Variants in ITGAD observed in about 807,000 individuals in gnomAD.
ITGAD encodes integrin alpha-D.
A neutral mutation model predicts 139.0 loss-of-function variants in ITGAD; 105 were observed. The observed-to-expected ratio is 0.76, with a 90% CI of 0.65 to 0.89. The LOEUF (loss-of-function observed/expected upper bound fraction) is 0.89. ITGAD is among the 40% of genes least tolerant of loss of function. The pLI, the probability that ITGAD is intolerant of heterozygous loss-of-function variation, is 0.00. For synonymous variants in ITGAD, 569 were observed against 598.3 expected, an observed-to-expected ratio of 0.95 and a Z score of 0.71; for missense variants, 1,384 against 1,487.3, an observed-to-expected ratio of 0.93 and a Z score of 1.14.
rs775648673 is a variant in ITGAD, at chr16:31,423,118, G to A, written c.2785G>A (p.Glu929Lys). 22 of 1,614,018 alleles carry A rather than the reference G, an allele frequency of 1.4e-5. No homozygotes were observed. The South Asian group carries it at 2.1e-4, about 15-fold the overall frequency. Residue 929 changes from glutamate to lysine, a missense_variant, in exon 24 of 30, where the codon GAA (glutamate) becomes AAA (lysine). Coordinates refer to ENST00000389202, the MANE Select transcript of ITGAD (RefSeq NM_005353.3). Reference sequence around the variant, plus strand: ...ACCCACAGGCTCTCTCTCCAGGCAGGAAGAATCCACCAAGTACTTCAACTT... The same window carrying A: ...ACCCACAGGCTCTCTCTCCAGGCAGAAAGAATCCACCAAGTACTTCAACTT... ...YAVYTMISRQ[E>K]ESTKYFNFAT... is the part of the protein sequence containing the mutation.
chr16:31,394,244 T>C lies in ITGAD; in HGVS notation c.40T>C (p.Ser14Pro). Residue 14 changes from serine (S) to proline (P), a missense_variant, in exon 2 of 30, where the codon TCT becomes CCT. Ser to Pro is a moderately conservative substitution (Grantham distance 74). Transcript: ENST00000389202. ...GTVLLLSVLA[S>P]YHGFNLDVEE... Reference sequence around the variant, plus strand: ...CACCAAATATTCCTCAGTCCTGGCTTCTTATCATGGATTCAACCTGGATGT... The same window carrying C: ...CACCAAATATTCCTCAGTCCTGGCTCCTTATCATGGATTCAACCTGGATGT... 6.2e-7 allele frequency: 1 copy of C among 1,613,138 alleles called. No homozygotes were observed. The highest frequency in any genetic ancestry group is 8.5e-7 in the Non-Finnish European group (1 of 1,179,290).
intron 23 of ITGAD, among the ~76,000 whole-genome samples, chr16:31,419,443 A>G (rs567141507): frequency 6.6e-6 from 1 of 152,332 alleles, no homozygotes; most frequent in East Asian, 1.9e-4. Flanking sequence ...AGGCTATACC[A>G]TATCACCTAG....
rs543049411 is a variant in ITGAD at position 31,411,198 on chromosome 16, G to A, written c.1479G>A (p.Val493=). 1.0e-4 allele frequency: 168 copies of A among 1,613,816 alleles called. 2 individuals carry two copies. The South Asian group carries it at 1.8e-3, about 17-fold the overall frequency. Residue 493 remains valine (V), a synonymous_variant, in exon 13 of 30, where the codon GTG becomes GTA. Transcript: ENST00000389202. Reference sequence around the variant, plus strand: ...AGACCCGAGGGGGCCAGGTGTCCGTGTGTCCCTTGCCTAGGGGGGTGAGTG... The same window carrying A: ...AGACCCGAGGGGGCCAGGTGTCCGTATGTCCCTTGCCTAGGGGGGTGAGTG... The part of the protein sequence containing the change: ...YEQTRGGQVS[V]CPLPRGRVQW...
At chr16:31,417,954 AAC>A (rs981635041) in intron 20 of ITGAD, 119 bp from the exon 21 acceptor site, 37 of 807,914 alleles carry the variant, frequency 4.6e-5, no homozygotes, top group African/African-American at 3.4e-5. Flanking sequence ...CTCAAAAAAA[AAC>A]AACAACAAAA....
intron 9 of ITGAD, 72 bp from the exon 10 acceptor site, chr16:31,408,353 T>C: frequency 7.7e-7 from 1 of 1,299,430 alleles, no homozygotes; most frequent in Non-Finnish European, 1.1e-6. Context: ...CAGATCATGT[T>C]CTCCTCCCTG....
intron 20 of ITGAD, among the ~76,000 whole-genome samples, chr16:31,417,844 G>C (rs1256123592): frequency 6.6e-6 from 1 of 152,124 alleles, no homozygotes; most frequent in East Asian, 1.9e-4. Flanking sequence ...CTACTCAAGA[G>C]CCTGTGGCAG....
rs1303308761 is a variant in ITGAD at position 31,416,544 on chromosome 16, C to T, written c.2397C>T (p.Asn799=). ...CCGTGGGGAGCTCCCTGGAGCTCAA[C>T]GTGATTGTGACTGTGTGGAACGCAG... is the stretch of plus-strand genomic sequence containing the variant. The part of the protein sequence containing the change: ...TLTVGSSLEL[N]VIVTVWNAGE... The change falls in exon 20 of 30, where the codon AAC becomes AAT. Residue 799 remains asparagine, a synonymous_variant. Coordinates refer to ENST00000389202, the MANE Select transcript of ITGAD (RefSeq NM_005353.3). The T allele has an allele frequency of 4.3e-6, 7 of 1,613,724 alleles. No individual in the cohort carries two copies. Among genetic ancestry groups the T allele is most frequent in the Admixed American group, 1.7e-5 (1 of 60,016 alleles).
chr16:31,396,722 C>A (rs2081271836), intron 2 of ITGAD, among the ~76,000 whole-genome samples: 1 of 152,206 alleles, frequency 6.6e-6, no homozygotes, highest in South Asian at 2.1e-4. Flanking sequence ...GCTTTTCTCA[C>A]AGACAGGAGA....
Position 31,411,326 on chromosome 16 carries a change from GACGCTGTTCTCCGTGGTGAGCAGGGCC to G in ITGAD, c.1519_1545del (p.Ala507_His515del). On this transcript the variant is annotated inframe_deletion, in exon 14 of 30. Transcript: ENST00000389202. ...TCAGCAGAGGGTGCAGTGGCAGTGT[GACGCTGTTCTCCGTGGTGAGCAGGGCC>G]ACCCCTGGGGCCGCTTTGGGGCAGC... The G allele has an allele frequency of 6.2e-7, 1 of 1,613,320 alleles. No homozygotes were observed. Among genetic ancestry groups the G allele is most frequent in the South Asian group, 1.1e-5 (1 of 91,052 alleles).
intron 18 of ITGAD, 107 bp downstream of exon 18, chr16:31,415,098 C>T: frequency 1.5e-6 from 2 of 1,322,440 alleles, no homozygotes; most frequent in Non-Finnish European, 2.1e-6. Context: ...AGTCCAGAAA[C>T]CTGACTCCAG....
In ITGAD at chr16:31,418,543, C is replaced by G. The variant is rs375292342; in HGVS notation, c.2759C>G (p.Ala920Gly). 6.2e-7 allele frequency: 1 copy of G among 1,614,000 alleles called. No homozygotes were observed. The highest frequency in any genetic ancestry group is 2.2e-5 in the East Asian group (1 of 44,874). ...TFQLELPVKY[A>G]VYTMISRQEE... ...CAGCTGGAGCTCCCGGTGAAGTATGCAGTCTACACCATGATCAGCAGGTGC... is the reference window on the plus strand; with the variant it reads ...CAGCTGGAGCTCCCGGTGAAGTATGGAGTCTACACCATGATCAGCAGGTGC... Residue 920 changes from alanine (A) to glycine (G), a missense_variant, in exon 23 of 30, where the codon GCA (alanine) becomes GGA (glycine). Physicochemically the swap from Ala to Gly is moderately conservative, Grantham distance 60 (BLOSUM62 0). Coordinates refer to ENST00000389202, the MANE Select transcript of ITGAD (RefSeq NM_005353.3).
chr16:31,412,076 T>G (rs1049785685), intron 14 of ITGAD, among the ~76,000 whole-genome samples: 1 of 150,818 alleles, frequency 6.6e-6, no homozygotes, highest in African/African-American at 2.5e-5. Context: ...TTTTTTTTTT[T>G]CTTTTTTTTT....
intron 2 of ITGAD, among the ~76,000 whole-genome samples, chr16:31,396,993 A>G (rs1296959883): frequency 6.6e-6 from 1 of 152,002 alleles, no homozygotes; most frequent in Non-Finnish European, 1.5e-5. Context: ...GGTGGTTCAA[A>G]ATAATGGCAA....
intron 5 of ITGAD, among the ~76,000 whole-genome samples, chr16:31,401,356 G>A (rs560589969): frequency 6.6e-5 from 10 of 152,160 alleles, no homozygotes; most frequent in African/African-American, 2.2e-4. Flanking sequence ...CATCGGTAAA[G>A]GTTTCCTCCA....
At chr16:31,402,897 C>G (rs374917669) in intron 6 of ITGAD, 1 of 152,284 alleles carries the variant, frequency 6.6e-6, no homozygotes, top group African/African-American at 2.4e-5. Flanking sequence ...TGAGTCACTA[C>G]GCCCAGCCAC....
Position 31,403,365 on chromosome 16 carries a change from T to C in ITGAD, c.559-135T>C, listed in dbSNP as rs2081453832. The C allele has an allele frequency of 9.9e-7, 1 of 1,007,408 alleles. No homozygotes were observed. Among genetic ancestry groups the C allele is most frequent in the African/African-American group, 1.6e-5 (1 of 62,084 alleles). The allele number at this position is 1,007,408 out of a possible 1,614,324, so 62.4% of individuals were successfully genotyped here. A position where few individuals can be genotyped will look rare whatever the true frequency, so the allele number is the denominator to read the frequency against. ...CAGGCATGTGACGTGTGCCTGTAGT[T>C]CCAGCTACTTGGAGGCTGAGGCAGG... On this transcript the variant is annotated intron_variant, in intron 6 of 29. Transcript: ENST00000389202. The surrounding 1 kb of genome is among the most constrained non-coding windows in gnomAD (Gnocchi z 4.4).
In ITGAD at chr16:31,424,182, G is replaced by A; in HGVS notation, c.3240G>A (p.Gln1080=). 6.2e-7 allele frequency: 1 copy of A among 1,614,264 alleles called. No individual in the cohort carries two copies. Among genetic ancestry groups the A allele is most frequent in the Non-Finnish European group, 8.5e-7 (1 of 1,180,056 alleles). ...CCGTGTACTCCCAGCTTCCAGGACA[G>A]GAGGCATTTATGAGAGCTCAGGTAG... ...DTSVYSQLPG[Q]EAFMRAQMEM... The change falls in exon 28 of 30, where the codon CAG becomes CAA. Residue 1080 remains glutamine (Q), a synonymous_variant. Coordinates refer to ENST00000389202, the MANE Select transcript of ITGAD (RefSeq NM_005353.3).
At chr16:31,394,195 T>G in intron 1 of ITGAD, 41 bp from the exon 2 acceptor site, 1 of 1,355,334 alleles carries the variant, frequency 7.4e-7, no homozygotes, top group Non-Finnish European at 1.1e-6. Flanking sequence ...GATTGGGGCT[T>G]CTTTAACTCC....
chr16:31,426,445 G>C lies in ITGAD; in HGVS notation c.*317G>C, dbSNP rs978323758. The C allele has an allele frequency of 1.2e-5, 3 of 254,862 alleles. No individual in the cohort carries two copies. The Admixed American group carries it at 1.5e-4, about 13-fold the overall frequency. The allele number at this position is 254,862 out of a possible 1,614,324, so 15.8% of individuals were successfully genotyped here. A position where few individuals can be genotyped will look rare whatever the true frequency, so the allele number is the denominator to read the frequency against. ...AGAGCTATAACCCAGGGACCTGAGT[G>C]CCTCTCTGGGAATAGTCGGGGGAAC... On this transcript the variant is annotated 3_prime_UTR_variant, in exon 30 of 30. Coordinates refer to ENST00000389202, the MANE Select transcript of ITGAD (RefSeq NM_005353.3).
Sources: allele counts gnomAD v4.1 joint callset (sites outside exome capture counted in the v4.1 genomes callset), GRCh38; gene constraint gnomAD v4.1.1; non-coding constraint Gnocchi (gnomAD v3.1); transcripts MANE v1.5; gene names NCBI Gene and HGNC (gene_info 2026-07-23, HGNC 2026-07-21).